RSPH14: variants seen among roughly 807,000 people sequenced by gnomAD.
The protein encoded by RSPH14 is radial spoke head 14 homolog, also known as rhabdoid tumor deletion region gene 1.
A neutral mutation model predicts 26.7 loss-of-function variants in RSPH14; 20 were observed. That is an observed-to-expected ratio of 0.75 (90% CI 0.53 to 1.09). RSPH14 has a LOEUF of 1.09. RSPH14 is among the 50% of genes least tolerant of loss of function. The pLI is 0.00. For synonymous variants in RSPH14, 177 were observed against 189.3 expected (o/e 0.93, Z 0.53); for missense variants, 449 against 457.2 (o/e 0.98, Z 0.16).
At chr22:23,145,527 G>A, upstream of RSPH14, 1 of 1,603,404 alleles carries the variant, frequency 6.2e-7, no homozygotes, top group Non-Finnish European at 8.5e-7. Context: ...GCCGCGCGGA[G>A]CCCCAGCTTT....
chr22:23,150,949 TCTTC>T, the RSPH14 span, among the ~76,000 whole-genome samples: 2 of 152,224 alleles, frequency 1.3e-5, no homozygotes, highest in South Asian at 2.1e-4. Flanking sequence ...GTGTCTGTCC[TCTTC>T]CTGCCGCGGC....
chr22:23,106,415 G>C (rs546738717), intron 4 of RSPH14, among the ~76,000 whole-genome samples: 1 of 152,350 alleles, frequency 6.6e-6, no homozygotes, highest in African/African-American at 2.4e-5. Context: ...GCATGAGAAA[G>C]TGCTCTGTGT....
chr22:23,131,760 A>C, intron 4 of RSPH14: 2 of 580,988 alleles, frequency 3.4e-6, no homozygotes, highest in Non-Finnish European at 6.1e-6. Context: ...AGGGGCTCTC[A>C]ACCCTGGGGC....
Position 23,133,947 on chromosome 22 carries a change from T to A in RSPH14, c.421+79A>T, listed in dbSNP as rs188050684. 2.7e-5 allele frequency: 25 copies of A among 931,606 alleles called. No homozygotes were observed. In the African/African-American group the frequency reaches 3.4e-4, roughly 13 times the overall value. 57.7% of individuals were successfully genotyped at this position (931,606 alleles called of 1,614,324 possible). ...AATAAAAAGTGGACGATCTACACCCTGGTACATATGTGACCTGGAGAGGAG... is the reference window on the plus strand; with the variant it reads ...AATAAAAAGTGGACGATCTACACCCAGGTACATATGTGACCTGGAGAGGAG... On this transcript the variant is annotated intron_variant, in intron 4 of 6. Transcript: ENST00000216036.
chr22:23,165,971 C>A, the RSPH14 span, among the ~76,000 whole-genome samples: 1 of 151,834 alleles, frequency 6.6e-6, no homozygotes, highest in Non-Finnish European at 1.5e-5. Flanking sequence ...ATGGTGAAAC[C>A]CTGTCTCTAC....
At chr22:23,098,870 C>T (rs1300379069) in intron 4 of RSPH14, among the ~76,000 whole-genome samples, 2 of 152,254 alleles carry the variant, frequency 1.3e-5, no homozygotes, top group Non-Finnish European at 2.9e-5. Context: ...CGGGCCAGGG[C>T]CAGAGCCAGT....
Position 23,071,410 on chromosome 22 carries a change from C to G in RSPH14, c.422-7277G>C, listed in dbSNP as rs969783408. ...AGCGAGACCAGCGTTCCGCGTAGTC[C>G]GTGTTGGGGTGGAGGGACCCGCCTG... On this transcript the variant is annotated intron_variant, in intron 4 of 6. Coordinates refer to ENST00000216036, the MANE Select transcript of RSPH14 (RefSeq NM_014433.3). The surrounding 1 kb of genome is among the most constrained non-coding windows in gnomAD (Gnocchi z 4.1). Among the ~76,000 whole-genome samples, 1 of 152,192 alleles carries G rather than the reference C, an allele frequency of 6.6e-6. No homozygotes were observed. The highest frequency in any genetic ancestry group is 1.5e-5 in the Non-Finnish European group (1 of 68,026).
chr22:23,136,505 T>TC (rs2070487534), intron 3 of RSPH14, among the ~76,000 whole-genome samples: 1 of 137,844 alleles, frequency 7.3e-6, no homozygotes, highest in Non-Finnish European at 1.6e-5. Flanking sequence ...CATTATCAGG[T>TC]CCCTGGTCAG....
At chr22:23,073,005 T>C (rs534187337) in intron 4 of RSPH14, among the ~76,000 whole-genome samples, 1 of 152,208 alleles carries the variant, frequency 6.6e-6, no homozygotes, top group Non-Finnish European at 1.5e-5. Flanking sequence ...ATGCTGAATA[T>C]AGCAATTCAG....
the RSPH14 span, chr22:23,161,537 G>T: frequency 6.2e-7 from 1 of 1,612,680 alleles, no homozygotes; most frequent in Non-Finnish European, 8.5e-7. Flanking sequence ...AGGAGAGCAA[G>T]AGGCCCTCCA....
intron 1 of RSPH14, 85 bp from the exon 2 acceptor site, chr22:23,140,557 C>G (rs4822362): frequency 7.1e-7 from 1 of 1,399,228 alleles, no homozygotes; most frequent in Non-Finnish European, 9.4e-7. Context: ...TGAGGGCAGG[C>G]AAATGGGTAT....
chr22:23,135,262 A>T (rs1795662961), intron 3 of RSPH14, among the ~76,000 whole-genome samples: 1 of 149,228 alleles, frequency 6.7e-6, no homozygotes, highest in Non-Finnish European at 1.5e-5. Context: ...TCACTAGGTC[A>T]GGAGATCGAG....
chr22:23,081,413 C>A (rs1446497065), intron 4 of RSPH14, among the ~76,000 whole-genome samples: 1 of 152,170 alleles, frequency 6.6e-6, no homozygotes, highest in African/African-American at 2.4e-5. Flanking sequence ...TTTCTTAGGT[C>A]TTCCTGCTTT....
the RSPH14 span, among the ~76,000 whole-genome samples, chr22:23,171,880 A>G: frequency 6.7e-6 from 1 of 149,670 alleles, no homozygotes; most frequent in African/African-American, 2.5e-5. Flanking sequence ...AAGCAATGTT[A>G]TTGACAACAG....
chr22:23,087,736 A>G (rs941279970), intron 4 of RSPH14, among the ~76,000 whole-genome samples: 1 of 152,188 alleles, frequency 6.6e-6, no homozygotes, highest in Non-Finnish European at 1.5e-5. Context: ...CTTCTTGTTC[A>G]GTCTGTTCCT....
chr22:23,169,668 T>C, the RSPH14 span, among the ~76,000 whole-genome samples: 1 of 150,708 alleles, frequency 6.6e-6, no homozygotes, highest in Non-Finnish European at 1.5e-5. Flanking sequence ...GCTGGGGAGG[T>C]GGAAAGAAAT....
rs1485724439 is a variant in RSPH14 at position 23,136,930 on chromosome 22, G to A, written c.302+1910C>T. Among the ~76,000 whole-genome samples, 2 of 138,870 alleles carry A rather than the reference G, an allele frequency of 1.4e-5. 1 individual carries two copies. Among genetic ancestry groups the A allele is most frequent in the Non-Finnish European group, 3.2e-5 (2 of 62,326 alleles). 91.1% of individuals were successfully genotyped at this position (138,870 alleles called of 152,430 possible). A position where few individuals can be genotyped will look rare whatever the true frequency, so the allele number is the denominator to read the frequency against. On this transcript the variant is annotated intron_variant, in intron 3 of 6. Coordinates refer to ENST00000216036, the MANE Select transcript of RSPH14 (RefSeq NM_014433.3). ...GATTGTTGCCCAGATCACAGAGCAG[G>A]AAAGAGTGGGCCCCCCAAAAGGCTG...
the RSPH14 span, among the ~76,000 whole-genome samples, chr22:23,151,143 C>G: frequency 5.9e-5 from 9 of 152,198 alleles, no homozygotes; most frequent in Admixed American, 5.2e-4. Context: ...GCTAGAGGTT[C>G]CCAAACTGCA....
chr22:23,163,606 G>GCCACCCCCC, the RSPH14 span: 1 of 125,234 alleles, frequency 8.0e-6, no homozygotes, highest in African/African-American at 2.7e-5. Context: ...CAAGGTGAAA[G>GCCACCCCCC]CCCCCCCCCC....
Sources: allele counts gnomAD v4.1 joint callset (sites outside exome capture counted in the v4.1 genomes callset), GRCh38; gene constraint gnomAD v4.1.1; non-coding constraint Gnocchi (gnomAD v3.1); transcripts MANE v1.5; gene names NCBI Gene and HGNC (gene_info 2026-07-23, HGNC 2026-07-21).